The following NARS2 variants were observed in gnomAD, a reference collection of about 807,000 sequenced individuals.
The protein encoded by NARS2 is asparaginyl-tRNA synthetase.
Under a neutral mutation model 62.9 loss-of-function variants are expected in NARS2, and 60 were observed. That is an observed-to-expected ratio of 0.95 (90% CI 0.77 to 1.18). The LOEUF (loss-of-function observed/expected upper bound fraction) is 1.18, where lower values mean the gene tolerates loss of function less well. Among genes scored for constraint, NARS2 ranks in the 50% most tolerant of loss-of-function variants. The pLI, the probability that NARS2 is intolerant of heterozygous loss-of-function variation, is 0.00. For missense variants in NARS2, 619 were observed against 576.4 expected (o/e 1.07, Z -0.76); for synonymous variants, 196 against 200.0 (o/e 0.98, Z 0.17).
At chr11:78,565,973 G>A (rs1251476035) in intron 4 of NARS2, among the ~76,000 whole-genome samples, 159 bp downstream of exon 4, 1 of 152,162 alleles carries the variant, frequency 6.6e-6, no homozygotes, top group Admixed American at 6.5e-5. Context: ...CCAAAGCTAG[G>A]TCATGTAGAG....
At chr11:78,499,420 G>A (rs891650693) in intron 6 of NARS2, among the ~76,000 whole-genome samples, 1 of 152,110 alleles carries the variant, frequency 6.6e-6, no homozygotes, top group Non-Finnish European at 1.5e-5. Context: ...TGCCCACTAT[G>A]GCACCCAGCT....
intron 5 of NARS2, among the ~76,000 whole-genome samples, chr11:78,550,082 G>A (rs1856040660): frequency 6.6e-6 from 1 of 152,158 alleles, no homozygotes; most frequent in South Asian, 2.1e-4. Context: ...ACTAGGCATA[G>A]TGCAGTAATG....
chr11:78,471,034 T>C (rs942909817), intron 9 of NARS2, among the ~76,000 whole-genome samples: 9 of 152,154 alleles, frequency 5.9e-5, no homozygotes, highest in African/African-American at 2.2e-4. Flanking sequence ...TATTGTGTCA[T>C]ACAGTACAAT....
intron 7 of NARS2, among the ~76,000 whole-genome samples, 177 bp from the exon 8 acceptor site, chr11:78,478,860 G>A (rs577292224): frequency 1.3e-5 from 2 of 152,094 alleles, no homozygotes; most frequent in South Asian, 4.1e-4. Context: ...AATTTCCTTG[G>A]TGGGTGGCAG....
At chr11:78,508,768 AAC>A (rs1314535542) in intron 6 of NARS2, among the ~76,000 whole-genome samples, 3 of 152,144 alleles carry the variant, frequency 2.0e-5, no homozygotes, top group Non-Finnish European at 4.4e-5. Context: ...TTGCAAGCCA[AAC>A]ACAAAGAATC....
intron 6 of NARS2, among the ~76,000 whole-genome samples, chr11:78,494,175 A>G (rs1324348377): frequency 6.6e-6 from 1 of 152,210 alleles, no homozygotes; most frequent in East Asian, 1.9e-4. Context: ...TTAAACTCCT[A>G]TAGTGAAGTG....
Position 78,485,710 on chromosome 11 carries a change from CTT to C in NARS2, c.823-7029_823-7028del, listed in dbSNP as rs578228622. On this transcript the variant is annotated intron_variant, in intron 7 of 13. Coordinates refer to ENST00000281038, the MANE Select transcript of NARS2 (RefSeq NM_024678.6). ...TGTTTTGTCCCCCAGTCTTTTCTCT[CTT>C]CTGTTCCTAGCCAAAATGTAGCCCC... Among the ~76,000 whole-genome samples, 85 of 152,208 alleles carry C rather than the reference CTT, an allele frequency of 5.6e-4. 1 individual carries two copies. The East Asian group carries it at 0.016, about 29-fold the overall frequency.
intron 6 of NARS2, among the ~76,000 whole-genome samples, chr11:78,505,198 T>C (rs1860440654): frequency 6.6e-6 from 1 of 150,552 alleles, no homozygotes; most frequent in African/African-American, 2.5e-5. Flanking sequence ...GGAGGGAGGA[T>C]CACTTCACCC....
At chr11:78,564,789 A>T (rs1187500174) in intron 4 of NARS2, among the ~76,000 whole-genome samples, 1 of 152,250 alleles carries the variant, frequency 6.6e-6, no homozygotes, top group Non-Finnish European at 1.5e-5. Context: ...ACAAACTATA[A>T]TGGGATAACA....
intron 5 of NARS2, among the ~76,000 whole-genome samples, chr11:78,556,502 A>G (rs995123574): frequency 5.9e-5 from 9 of 152,200 alleles, no homozygotes; most frequent in African/African-American, 2.2e-4. Flanking sequence ...AAAGAGAACA[A>G]TTTTAGCCAG....
intron 11 of NARS2, among the ~76,000 whole-genome samples, chr11:78,459,076 G>C (rs898063008): frequency 2.0e-5 from 3 of 151,788 alleles, no homozygotes; most frequent in Non-Finnish European, 4.4e-5. Flanking sequence ...CACCATGCCT[G>C]GCTACTTTTT....
At chr11:78,450,939 C>T (rs1857951169) in intron 11 of NARS2, among the ~76,000 whole-genome samples, 1 of 152,106 alleles carries the variant, frequency 6.6e-6, no homozygotes, top group South Asian at 2.1e-4. Flanking sequence ...ACCTGGGCCT[C>T]CAAAGTGCTG....
intron 13 of NARS2, among the ~76,000 whole-genome samples, chr11:78,440,684 C>G (rs550999347): frequency 6.6e-6 from 1 of 152,078 alleles, no homozygotes; most frequent in Non-Finnish European, 1.5e-5. Context: ...AGGTGCCTGC[C>G]ACCATACCCG....
intron 6 of NARS2, among the ~76,000 whole-genome samples, chr11:78,496,600 T>C (rs1315000706): frequency 1.3e-5 from 2 of 152,056 alleles, no homozygotes; most frequent in African/African-American, 4.8e-5. Flanking sequence ...CTCAGAAAAT[T>C]AGAAAGAAAA....
chr11:78,487,346 GCT>G (rs1859622471), intron 7 of NARS2, among the ~76,000 whole-genome samples: 1 of 144,476 alleles, frequency 6.9e-6, no homozygotes, highest in Non-Finnish European at 1.5e-5. Flanking sequence ...ACAGAGTGAG[GCT>G]CTGTCTAAAA....
intron 11 of NARS2, among the ~76,000 whole-genome samples, chr11:78,458,841 G>A (rs866490203): frequency 6.4e-4 from 98 of 151,992 alleles, no homozygotes; most frequent in African/African-American, 2.2e-3. Flanking sequence ...GGAGATAACT[G>A]AATCATGGGG....
chr11:78,527,943 T>C (rs554373735), intron 6 of NARS2, among the ~76,000 whole-genome samples: 1 of 152,232 alleles, frequency 6.6e-6, no homozygotes, highest in African/African-American at 2.4e-5. Context: ...AACCCACCTC[T>C]ACAAAAAATT....
intron 6 of NARS2, among the ~76,000 whole-genome samples, chr11:78,524,766 T>C (rs1260383250): frequency 1.3e-5 from 2 of 152,076 alleles, no homozygotes; most frequent in African/African-American, 2.4e-5. Flanking sequence ...TGACCCAATT[T>C]TGGCTTCTAA....
chr11:78,493,964 A>T (rs1859942437), intron 6 of NARS2, among the ~76,000 whole-genome samples: 1 of 152,204 alleles, frequency 6.6e-6, no homozygotes, highest in African/African-American at 2.4e-5. Flanking sequence ...TTTTTTAAAC[A>T]CAAGAAAAAA....
Sources: allele counts gnomAD v4.1 joint callset (sites outside exome capture counted in the v4.1 genomes callset), GRCh38; gene constraint gnomAD v4.1.1; transcripts MANE v1.5; gene names NCBI Gene and HGNC (gene_info 2026-07-23, HGNC 2026-07-21).